Variants in TRIM69 observed in about 807,000 individuals in gnomAD.
The protein encoded by TRIM69 is tripartite motif containing 69, also known as E3 ubiquitin-protein ligase TRIM69.
In TRIM69, 29 loss-of-function variants were observed where a neutral mutation model predicts 37.7. That is an observed-to-expected ratio of 0.77 (90% CI 0.57 to 1.05). The LOEUF is 1.05. Among genes scored for constraint, TRIM69 ranks in the 50% least tolerant of loss-of-function variants. The pLI, the probability that TRIM69 is intolerant of heterozygous loss-of-function variation, is 0.00. For synonymous variants in TRIM69, 209 were observed against 212.4 expected, an observed-to-expected ratio of 0.98 and a Z score of 0.14; for missense variants, 596 against 579.9, an observed-to-expected ratio of 1.03 and a Z score of -0.28.
In TRIM69 at chr15:44,767,769, G is replaced by T; in HGVS notation, c.1500G>T (p.Gln500His). The change falls in exon 7 of 7, where the codon CAG becomes CAT. Residue 500 changes from glutamine to histidine, a missense_variant. Physicochemically the swap from Gln to His is conservative, Grantham distance 24. Coordinates refer to ENST00000329464, the MANE Select transcript of TRIM69 (RefSeq NM_182985.5). ...NKEPLHILHPQ is the reference protein window; with the variant it reads ...NKEPLHILHPH ...AACCATTGCACATCTTACATCCACAGTAATGAGTCATAATATTATACAAAT... is the reference window on the plus strand; with the variant it reads ...AACCATTGCACATCTTACATCCACATTAATGAGTCATAATATTATACAAAT... The T allele has an allele frequency of 6.2e-7, 1 of 1,608,240 alleles. No homozygotes were observed. The highest frequency in any genetic ancestry group is 8.5e-7 in the Non-Finnish European group (1 of 1,178,308).
chr15:44,738,262 G>A (rs2087207859), intron 1 of TRIM69, among the ~76,000 whole-genome samples: 1 of 147,614 alleles, frequency 6.8e-6, no homozygotes, highest in Non-Finnish European at 1.5e-5. Context: ...GTAGAGATGA[G>A]GTCTCACCAT....
chr15:44,747,741 G>A (rs1322378956), intron 1 of TRIM69, among the ~76,000 whole-genome samples: 1 of 152,064 alleles, frequency 6.6e-6, no homozygotes, highest in Non-Finnish European at 1.5e-5. Flanking sequence ...TGGAGCAAAG[G>A]GCTACAGACT....
chr15:44,750,012 C>G (rs1275804163), intron 1 of TRIM69, among the ~76,000 whole-genome samples: 1 of 152,104 alleles, frequency 6.6e-6, no homozygotes, highest in Non-Finnish European at 1.5e-5. Context: ...GCTTGTTGGT[C>G]ATTTGTTTAT....
chr15:44,765,637 C>A (rs1477417506), intron 6 of TRIM69, among the ~76,000 whole-genome samples: 1 of 77,132 alleles, frequency 1.3e-5, no homozygotes, highest in Admixed American at 1.3e-4. Flanking sequence ...GCCTGTAATC[C>A]TAGCTACTCA....
rs754236313 is a variant in TRIM69, at chr15:44,755,192, T to C, written c.299T>C (p.Val100Ala). 1 of 1,614,184 alleles carries C rather than the reference T, an allele frequency of 6.2e-7. No homozygotes were observed. The highest frequency in any genetic ancestry group is 1.7e-5 in the Admixed American group (1 of 60,022). Residue 100 changes from valine (V) to alanine (A), a missense_variant, in exon 2 of 7, where the codon GTA (valine) becomes GCA (alanine). Coordinates refer to ENST00000329464, the MANE Select transcript of TRIM69 (RefSeq NM_182985.5). ...CTFNPVLDKL[V>A]EKIKKLPLLK... ...TTCAACCCTGTACTGGACAAGTTGG[T>C]AGAGAAGATTAAGAAGTTACCCTTA...
chr15:44,736,628 C>A lies in TRIM69; in HGVS notation c.-77C>A. The A allele has an allele frequency of 1.9e-6, 3 of 1,573,566 alleles. No homozygotes were observed. The South Asian group carries it at 3.5e-5, about 18-fold the overall frequency. ...CTTGAAAACTAAAAGGTCCCTGACT[C>A]CCAGTCTGCAGCCATCCTGGGCCTG... On this transcript the variant is annotated 5_prime_UTR_variant, in exon 1 of 7. Transcript: ENST00000329464.
chr15:44,765,510 C>T (rs1403188073), intron 6 of TRIM69, among the ~76,000 whole-genome samples: 1 of 152,130 alleles, frequency 6.6e-6, no homozygotes, highest in Admixed American at 6.6e-5. Flanking sequence ...ATGGAAAAGA[C>T]TCAGGCTTTT....
At chr15:44,765,056 G>A (rs1236615606) in intron 6 of TRIM69, among the ~76,000 whole-genome samples, 1 of 152,154 alleles carries the variant, frequency 6.6e-6, no homozygotes, top group Non-Finnish European at 1.5e-5. Context: ...TGTAGAATAG[G>A]GTGCAGATGG....
intron 6 of TRIM69, among the ~76,000 whole-genome samples, chr15:44,763,336 G>A (rs537562932): frequency 2.0e-5 from 3 of 152,322 alleles, no homozygotes; most frequent in African/African-American, 7.2e-5. Flanking sequence ...AATTGGGAGA[G>A]GAAGACAGTA....
At chr15:44,749,608 G>A (rs920878334) in intron 1 of TRIM69, among the ~76,000 whole-genome samples, 1 of 152,054 alleles carries the variant, frequency 6.6e-6, no homozygotes, top group Admixed American at 6.5e-5. Context: ...TATGAATATG[G>A]CACACTTTTC....
intron 1 of TRIM69, among the ~76,000 whole-genome samples, chr15:44,752,615 C>T (rs1255527038): frequency 2.0e-5 from 3 of 152,108 alleles, no homozygotes; most frequent in African/African-American, 4.8e-5. Context: ...TAATCTATTT[C>T]GTCTAAAGTA....
intron 6 of TRIM69, among the ~76,000 whole-genome samples, chr15:44,761,613 C>A (rs537358928): frequency 6.6e-6 from 1 of 152,262 alleles, no homozygotes; most frequent in African/African-American, 2.4e-5. Context: ...TACAGGCGCG[C>A]ACTGCCATGC....
intron 3 of TRIM69, 97 bp from the exon 4 acceptor site, chr15:44,758,524 T>G (rs2087700305): frequency 2.0e-6 from 3 of 1,507,396 alleles, no homozygotes; most frequent in Admixed American, 4.2e-5. Context: ...TTTTCTGTGA[T>G]GGTATTTACC....
At chr15:44,747,501 C>T (rs1178078650) in intron 1 of TRIM69, among the ~76,000 whole-genome samples, 1 of 152,004 alleles carries the variant, frequency 6.6e-6, no homozygotes, top group African/African-American at 2.4e-5. Context: ...CAAAGCAAAG[C>T]ACAGAAAGTT....
chr15:44,745,944 G>C (rs1014394994), intron 1 of TRIM69, among the ~76,000 whole-genome samples: 12 of 152,162 alleles, frequency 7.9e-5, no homozygotes, highest in African/African-American at 2.7e-4. Context: ...GAAGAGAGGA[G>C]AGAAGGGGAC....
chr15:44,738,890 A>G (rs970861267), intron 1 of TRIM69, among the ~76,000 whole-genome samples: 3 of 152,254 alleles, frequency 2.0e-5, no homozygotes, highest in Non-Finnish European at 1.5e-5. Context: ...ATTAGCTAAT[A>G]TAATTAATCC....
At chr15:44,739,580 C>A (rs973220887) in intron 1 of TRIM69, among the ~76,000 whole-genome samples, 9 of 152,232 alleles carry the variant, frequency 5.9e-5, no homozygotes, top group African/African-American at 1.9e-4. Flanking sequence ...AGATTATATC[C>A]TGCACCTGGC....
At chr15:44,747,809 T>G (rs1217629476) in intron 1 of TRIM69, among the ~76,000 whole-genome samples, 1 of 152,170 alleles carries the variant, frequency 6.6e-6, no homozygotes, top group Non-Finnish European at 1.5e-5. Flanking sequence ...GAGGGCAATA[T>G]AAATAGTTAT....
At chr15:44,749,578 G>A (rs952448543) in intron 1 of TRIM69, among the ~76,000 whole-genome samples, 11 of 152,060 alleles carry the variant, frequency 7.2e-5, no homozygotes, top group African/African-American at 2.7e-4. Context: ...TCCCTTTTCT[G>A]ACTGAATAAT....
Sources: gnomAD v4.1 joint callset for allele counts (sites outside exome capture counted in the v4.1 genomes callset) on GRCh38, gnomAD v4.1.1 for gene constraint, MANE v1.5 for transcripts, NCBI Gene and HGNC (gene_info 2026-07-23, HGNC 2026-07-21) for gene names.